TAS2R1: variants seen among roughly 807,000 people sequenced by gnomAD.
The protein encoded by TAS2R1 is taste receptor type 2 member 1.
For synonymous variants in TAS2R1, 141 were observed against 134.2 expected (o/e 1.05, Z -0.35); for missense variants, 370 against 353.4 (o/e 1.05, Z -0.38).
chr5:9,731,614 C>T, the TAS2R1 span, among the ~76,000 whole-genome samples: 3 of 152,208 alleles, frequency 2.0e-5, no homozygotes, highest in Non-Finnish European at 4.4e-5. Flanking sequence ...TTCAGCACTC[C>T]TTACTTAATA....
the TAS2R1 span, among the ~76,000 whole-genome samples, chr5:9,840,448 G>A: frequency 6.6e-6 from 1 of 151,976 alleles, no homozygotes. Flanking sequence ...ATCTTTTGGT[G>A]GTGACTATAA....
intron 1 of TAS2R1, among the ~76,000 whole-genome samples, chr5:9,710,917 TATATATTATATATATA>T (rs1303648636): frequency 5.5e-5 from 8 of 146,326 alleles, no homozygotes; most frequent in African/African-American, 2.0e-4. Context: ...AACCAGATTA[TATATATTATATATATA>T]ATATATTATA....
At chr5:9,653,798 A>G (rs1740356272) in intron 2 of TAS2R1, among the ~76,000 whole-genome samples, 1 of 152,108 alleles carries the variant, frequency 6.6e-6, no homozygotes, top group Non-Finnish European at 1.5e-5. Flanking sequence ...ATTCGTTTCA[A>G]ACTAAGAGCT....
the TAS2R1 span, among the ~76,000 whole-genome samples, chr5:9,795,031 C>T: frequency 2.0e-5 from 3 of 152,170 alleles, no homozygotes; most frequent in Non-Finnish European, 4.4e-5. Context: ...GTAACTGGCA[C>T]ATCCATCATC....
the TAS2R1 span, among the ~76,000 whole-genome samples, chr5:9,893,208 CTT>C: frequency 0.095 from 13,134 of 138,046 alleles, 510 homozygotes; most frequent in African/African-American, 0.099. Context: ...GTTGCCCCAG[CTT>C]TTTTTTTTTT....
At chr5:9,769,534 T>A in the TAS2R1 span, among the ~76,000 whole-genome samples, 1 of 152,206 alleles carries the variant, frequency 6.6e-6, no homozygotes, top group Non-Finnish European at 1.5e-5. Context: ...TCACTAACAA[T>A]GTATGAGGGT....
At chr5:9,793,818 G>A in the TAS2R1 span, among the ~76,000 whole-genome samples, 1 of 152,110 alleles carries the variant, frequency 6.6e-6, no homozygotes, top group Non-Finnish European at 1.5e-5. Context: ...GTGAGGCCTG[G>A]AGAAGTGCTG....
chr5:9,750,312 A>C, the TAS2R1 span, among the ~76,000 whole-genome samples: 1 of 152,092 alleles, frequency 6.6e-6, no homozygotes, highest in Admixed American at 6.6e-5. Flanking sequence ...CCCAGAGTAC[A>C]CCACCATCCT....
At chr5:9,836,450 C>G in the TAS2R1 span, among the ~76,000 whole-genome samples, 3 of 152,054 alleles carry the variant, frequency 2.0e-5, no homozygotes, top group African/African-American at 7.2e-5. Flanking sequence ...TTAGCAGTAT[C>G]GCTGGCCTCT....
the TAS2R1 span, among the ~76,000 whole-genome samples, chr5:9,795,679 T>C: frequency 6.6e-6 from 1 of 151,908 alleles, no homozygotes; most frequent in East Asian, 1.9e-4. Flanking sequence ...GCTGAAGAAG[T>C]TTTTCAAGTT....
At position 9,687,362 on chromosome 5, in the gene TAS2R1, T is replaced by C. The variant is rs146517698; in HGVS notation, c.-242+24810A>G. ...ACAAATGCTACATTTAAAAAATACA[T>C]CTGATTATCTTTTGTGGTTTTTAAA... On this transcript the variant is annotated intron_variant, in intron 1 of 2. Coordinates refer to the TAS2R1 transcript ENST00000506620. Among the ~76,000 whole-genome samples, 104 of 152,284 alleles carry C rather than the reference T, an allele frequency of 6.8e-4. No individual in the cohort carries two copies. In the East Asian group the frequency reaches 0.017, roughly 25 times the overall value.
At chr5:9,755,565 C>T in the TAS2R1 span, among the ~76,000 whole-genome samples, 10 of 128,538 alleles carry the variant, frequency 7.8e-5, no homozygotes, top group Admixed American at 4.1e-4. Context: ...CCAGCCTGGG[C>T]GACAGAGTGA....
At chr5:9,714,310 G>A (rs550236726), upstream of TAS2R1, 1 of 152,332 alleles carries the variant, frequency 6.6e-6, no homozygotes, top group South Asian at 2.1e-4. Flanking sequence ...CAGCGTTCAT[G>A]ATAACAAACA....
At chr5:9,739,156 A>G in the TAS2R1 span, among the ~76,000 whole-genome samples, 3 of 152,162 alleles carry the variant, frequency 2.0e-5, no homozygotes, top group African/African-American at 7.2e-5. Context: ...AAAAGACCCA[A>G]CTGATAGTCC....
the TAS2R1 span, among the ~76,000 whole-genome samples, chr5:9,779,667 T>C: frequency 9.9e-5 from 15 of 152,206 alleles, no homozygotes; most frequent in African/African-American, 3.4e-4. Context: ...TTCCAAACAA[T>C]TATGATAGTA....
the TAS2R1 span, among the ~76,000 whole-genome samples, chr5:9,800,105 A>G: frequency 6.6e-6 from 1 of 152,200 alleles, no homozygotes; most frequent in Non-Finnish European, 1.5e-5. Flanking sequence ...AACTCCTAGT[A>G]TAGAACAGAG....
At chr5:9,694,126 AG>A (rs149653220) in intron 1 of TAS2R1, among the ~76,000 whole-genome samples, 4,079 of 152,330 alleles carry the variant, frequency 0.027, 71 homozygotes, top group Middle Eastern at 0.068. Flanking sequence ...GTAACTAATT[AG>A]GTCCCCTTTG....
upstream of TAS2R1, among the ~76,000 whole-genome samples, chr5:9,631,438 T>A (rs1162184140): frequency 6.6e-6 from 1 of 152,148 alleles, no homozygotes; most frequent in Non-Finnish European, 1.5e-5. Context: ...TATGGAGTCT[T>A]GCTACATAGC....
At chr5:9,873,835 T>C in the TAS2R1 span, among the ~76,000 whole-genome samples, 13 of 144,240 alleles carry the variant, frequency 9.0e-5, no homozygotes, top group South Asian at 2.2e-4. Context: ...AGCCATTGCA[T>C]TCCAGCCTGG....
Sources: allele counts gnomAD v4.1 joint callset (sites outside exome capture counted in the v4.1 genomes callset), GRCh38; gene constraint gnomAD v4.1.1; transcripts MANE v1.5; gene names NCBI Gene and HGNC (gene_info 2026-07-23, HGNC 2026-07-21).